Variants in CLCN7 observed in about 807,000 individuals in gnomAD.
CLCN7 encodes the protein H(+)/Cl(-) exchange transporter 7.
CLCN7 carries 60 observed loss-of-function variants against 102.1 expected under a neutral mutation model. The observed-to-expected ratio is 0.59, with a 90% confidence interval of 0.48 to 0.73. The LOEUF (loss-of-function observed/expected upper bound fraction) is 0.73. Among genes scored for constraint, CLCN7 ranks in the 30% least tolerant of loss-of-function variants. The pLI, the probability that CLCN7 is intolerant of heterozygous loss-of-function variation, is 0.00. For missense variants in CLCN7, 962 were observed against 1,125.7 expected (o/e 0.85, Z 2.08); for synonymous variants, 560 against 490.5 (o/e 1.14, Z -1.87).
rs969518363 is a variant in CLCN7, at chr16:1,449,599, C to A, written c.1618-272G>T. The stretch of plus-strand genomic sequence containing the variant: ...CACAGTCACCACGCAGCAGCCCAGG[C>A]CAACTAGGGAGCACCGTCCAGCATG... On this transcript the variant is annotated intron_variant, in intron 17 of 24. Transcript: ENST00000382745. 2.4e-4 allele frequency: 134 copies of A among 559,562 alleles called. 1 individual carries two copies. The East Asian group carries it at 3.9e-3, about 16-fold the overall frequency. The allele number at this position is 559,562 out of a possible 1,614,324, so 34.7% of individuals were successfully genotyped here. A position where few individuals can be genotyped will look rare whatever the true frequency, so the allele number is the denominator to read the frequency against.
At chr16:1,464,967 C>T (rs922587930) in intron 2 of CLCN7, among the ~76,000 whole-genome samples, 1 of 63,396 alleles carries the variant, frequency 1.6e-5, no homozygotes. Flanking sequence ...CTCCTCACTG[C>T]CCCCCCAAGA....
chr16:1,452,198 G>A (rs566903825), intron 15 of CLCN7: 41 of 257,984 alleles, frequency 1.6e-4, no homozygotes, highest in African/African-American at 7.1e-4. Flanking sequence ...CGTCTCTAAC[G>A]GTTCACACCT....
Position 1,457,119 on chromosome 16 carries a change from G to T in CLCN7, c.822+135C>A. 1 of 837,836 alleles carries T rather than the reference G, an allele frequency of 1.2e-6. No homozygotes were observed. The highest frequency in any genetic ancestry group is 2.0e-6 in the Non-Finnish European group (1 of 499,124). 51.9% of individuals were successfully genotyped at this position (837,836 alleles called of 1,614,324 possible). On this transcript the variant is annotated intron_variant, in intron 9 of 24. Coordinates refer to ENST00000382745, the MANE Select transcript of CLCN7 (RefSeq NM_001287.6). This position sits in a 1 kb window ranked among gnomAD's most constrained non-coding sequence, Gnocchi z 5.4. ...GGGACTGTGCCCGCTGGCTCTGGGA[G>T]CCACCCGCCAGGCTGTCCTCAGATG...
chr16:1,457,315 C>T lies in CLCN7; in HGVS notation c.761G>A (p.Gly254Asp). Residue 254 changes from glycine (G) to aspartate (D), a missense_variant, in exon 9 of 25, where the codon GGT (glycine) becomes GAT (aspartate). Around this residue, in one of 2 missense-constraint regions of CLCN7, gnomAD observed 799 missense variants for 988.0 expected, o/e 0.81. Transcript: ENST00000382745. The surrounding 1 kb of genome is among the most constrained non-coding windows in gnomAD (Gnocchi z 5.4). ...AGAGATCCCGGCGGCAATCACTGAA[C>T]CTGAGTGGATCATCGGCCCTTCCTG... ...VGKEGPMIHS[G>D]SVIAAGISQG... is the part of the protein sequence containing the mutation. 2 of 1,613,982 alleles carry T rather than the reference C, an allele frequency of 1.2e-6. No homozygotes were observed. Among genetic ancestry groups the T allele is most frequent in the Non-Finnish European group, 1.7e-6 (2 of 1,180,036 alleles).
intron 1 of CLCN7, chr16:1,466,854 AG>A (rs2142398604): frequency 7.8e-6 from 1 of 128,458 alleles, no homozygotes; most frequent in Admixed American, 9.9e-5. Context: ...TGAAGCCGGG[AG>A]GTGGAGTCTG....
intron 2 of CLCN7, among the ~76,000 whole-genome samples, chr16:1,464,432 A>C (rs924221706): frequency 1.3e-5 from 2 of 152,260 alleles, no homozygotes; most frequent in Non-Finnish European, 2.9e-5. Flanking sequence ...CACGGCCACG[A>C]AACAGATCTT....
At chr16:1,458,464 T>C (rs1333721517) in intron 7 of CLCN7, among the ~76,000 whole-genome samples, 2 of 152,188 alleles carry the variant, frequency 1.3e-5, no homozygotes, top group Non-Finnish European at 2.9e-5. Context: ...AAACCTGATC[T>C]CCCACCACAG....
intron 2 of CLCN7, among the ~76,000 whole-genome samples, chr16:1,462,665 CAAAAAA>C (rs67969666): frequency 2.8e-5 from 1 of 36,180 alleles, no homozygotes; most frequent in African/African-American, 7.9e-5. Context: ...AAAAAAAAGC[CAAAAAA>C]AAAAAAAAAA....
At position 1,446,733 on chromosome 16, in the gene CLCN7, A is replaced by G; in HGVS notation, c.2332-16T>C. 6.4e-7 allele frequency: 1 copy of G among 1,566,912 alleles called. No individual in the cohort carries two copies. Among genetic ancestry groups the G allele is most frequent in the Non-Finnish European group, 8.7e-7 (1 of 1,154,602 alleles). ...ACCCGACAACCTGCAGGACAAGTCC[A>G]GGCCACAGTGACACACGGGTCGGCT... On this transcript the variant is annotated splice_polypyrimidine_tract_variant and intron_variant, in intron 24 of 24. Transcript: ENST00000382745.
chr16:1,461,027 C>T lies in CLCN7; in HGVS notation c.352-79G>A, dbSNP rs907370682. ...GGCAGCAGCAGGACCGCCCAGACCGCCTGCAGGCCCCGGGATTATGAAGGG... is the reference window on the plus strand; with the variant it reads ...GGCAGCAGCAGGACCGCCCAGACCGTCTGCAGGCCCCGGGATTATGAAGGG... On this transcript the variant is annotated intron_variant, in intron 4 of 24. Coordinates refer to ENST00000382745, the MANE Select transcript of CLCN7 (RefSeq NM_001287.6). 8.9e-5 allele frequency: 138 copies of T among 1,548,886 alleles called. 1 individual carries two copies. In the East Asian group the frequency reaches 3.1e-3, roughly 35 times the overall value.
At chr16:1,459,019 T>G in intron 7 of CLCN7, 88 bp downstream of exon 7, 1 of 1,174,766 alleles carries the variant, frequency 8.5e-7, no homozygotes, top group Non-Finnish European at 1.2e-6. Flanking sequence ...TGAGGCCAGT[T>G]CTGGAAGGCA....
chr16:1,456,325 C>T, intron 9 of CLCN7, 119 bp from the exon 10 acceptor site: 1 of 757,152 alleles, frequency 1.3e-6, no homozygotes, highest in East Asian at 2.7e-5. Flanking sequence ...ACAACCGAGT[C>T]AGCAGCTCTG....
intron 15 of CLCN7, chr16:1,452,500 C>T: frequency 1.8e-6 from 1 of 542,330 alleles, no homozygotes. Context: ...CCCCGTCAGG[C>T]TGCCATTCTG....
At chr16:1,460,740 C>T in intron 5 of CLCN7, 76 bp downstream of exon 5, 2 of 1,608,254 alleles carry the variant, frequency 1.2e-6, no homozygotes, top group Non-Finnish European at 1.7e-6. Context: ...ACACGCTGGG[C>T]TCAGGACTTC....
At chr16:1,474,789 C>A in intron 1 of CLCN7, 45 bp downstream of exon 1, 2 of 1,263,376 alleles carry the variant, frequency 1.6e-6, no homozygotes, top group South Asian at 2.4e-5. Flanking sequence ...GGCTGCGGGG[C>A]GCACGAGGGC....
rs764870423 is a variant in CLCN7 at position 1,460,447 on chromosome 16, C to A, written c.565G>T (p.Val189Leu). 1.2e-6 allele frequency: 2 copies of A among 1,613,606 alleles called. No homozygotes were observed. The highest frequency in any genetic ancestry group is 1.7e-6 in the Non-Finnish European group (2 of 1,179,844). The change falls in exon 6 of 25, where the codon GTG (valine) becomes TTG (leucine). Residue 189 changes from valine to leucine, a missense_variant. Val to Leu is a conservative substitution (Grantham distance 32). Around this residue, in one of 2 missense-constraint regions of CLCN7, gnomAD observed 799 missense variants for 988.0 expected, o/e 0.81. Coordinates refer to ENST00000382745, the MANE Select transcript of CLCN7 (RefSeq NM_001287.6). Reference sequence around the variant, plus strand: ...ATGAAAGCCACAATCACAGAGCCCACGAGCACGAAGGCGGCGTTCAGCGTG... The same window carrying A: ...ATGAAAGCCACAATCACAGAGCCCAAGAGCACGAAGGCGGCGTTCAGCGTG... ...WATLNAAFVL[V>L]GSVIVAFIEP...
intron 1 of CLCN7, among the ~76,000 whole-genome samples, chr16:1,471,451 C>G (rs55714824): frequency 6.6e-6 from 1 of 152,006 alleles, no homozygotes; most frequent in Admixed American, 6.5e-5. Flanking sequence ...TGTGGCCACA[C>G]TGGGGTGCGC....
At chr16:1,447,883 G>A (rs1047224209) in intron 21 of CLCN7, among the ~76,000 whole-genome samples, 169 bp from the exon 22 acceptor site, 3 of 152,196 alleles carry the variant, frequency 2.0e-5, no homozygotes, top group East Asian at 1.9e-4. Context: ...CATCCCACAC[G>A]CACAATGCCA....
In CLCN7 at chr16:1,473,562, A is replaced by C. The variant is rs2745100; in HGVS notation, c.141+1272T>G. 1.9e-3 allele frequency among the ~76,000 whole-genome samples: 289 copies of C among 150,208 alleles called. 1 individual carries two copies. Among genetic ancestry groups the C allele is most frequent in the African/African-American group, 6.8e-3 (279 of 40,976 alleles). ...CTAATTTTTTGTATTTTTAGTAGAG[A>C]CGGGGTTTCACCATATTAGCCAGGA... On this transcript the variant is annotated intron_variant, in intron 1 of 24. Coordinates refer to ENST00000382745, the MANE Select transcript of CLCN7 (RefSeq NM_001287.6).
Sources: allele counts gnomAD v4.1 joint callset (sites outside exome capture counted in the v4.1 genomes callset), GRCh38; gene constraint gnomAD v4.1.1; regional missense constraint gnomAD v4.1.1; non-coding constraint Gnocchi (gnomAD v3.1); transcripts MANE v1.5; gene names NCBI Gene and HGNC (gene_info 2026-07-23, HGNC 2026-07-21).